Variants in KIFAP3 observed in about 807,000 individuals in gnomAD.
KIFAP3 encodes the protein kinesin associated protein 3.
In KIFAP3, 68 loss-of-function variants were observed where a neutral mutation model predicts 106.5. The ratio of observed to expected loss-of-function variants is 0.64; its 90% CI spans 0.53 to 0.78. KIFAP3 has a LOEUF of 0.78. KIFAP3 is among the 30% of genes least tolerant of loss of function. The probability of loss-of-function intolerance (pLI) is 0.00; values close to 1 mark genes in which losing one functional copy is unlikely to be tolerated. For synonymous variants in KIFAP3, 320 were observed against 311.5 expected, an observed-to-expected ratio of 1.03 and a Z score of -0.29; for missense variants, 780 against 941.8, an observed-to-expected ratio of 0.83 and a Z score of 2.25.
chr1:170,057,463 A>T (rs997390296), intron 1 of KIFAP3, among the ~76,000 whole-genome samples: 2 of 152,150 alleles, frequency 1.3e-5, no homozygotes, highest in Non-Finnish European at 2.9e-5. Context: ...AAAAACTAAA[A>T]CAGAAATGAG....
intron 19 of KIFAP3, among the ~76,000 whole-genome samples, chr1:169,943,270 C>T (rs1185383085): frequency 2.6e-5 from 4 of 151,768 alleles, no homozygotes; most frequent in South Asian, 2.1e-4. Context: ...ACCTGTAGGC[C>T]CTAGGTTTTA....
intron 1 of KIFAP3, chr1:170,084,902 G>T (rs1009477927): frequency 6.6e-6 from 1 of 152,088 alleles, no homozygotes; most frequent in Non-Finnish European, 1.5e-5. Flanking sequence ...AGCAATATTC[G>T]TTTCTCTATA....
In KIFAP3 at chr1:169,929,120, CTGAG is replaced by C. The variant is rs570545157; in HGVS notation, c.2274-7343_2274-7340del. Among the ~76,000 whole-genome samples, 521 of 152,258 alleles carry C rather than the reference CTGAG, an allele frequency of 3.4e-3. 2 individuals are homozygous for C. The highest frequency in any genetic ancestry group is 4.6e-3 in the Non-Finnish European group (314 of 67,998). On this transcript the variant is annotated intron_variant, in intron 19 of 19. Coordinates refer to ENST00000361580, the MANE Select transcript of KIFAP3 (RefSeq NM_014970.4). ...ACTAGATGGAGAGCTTGTCTTACCACTGAGTATCAGGTACTTCTACAAAATTTCA... is the reference window on the plus strand; with the variant it reads ...ACTAGATGGAGAGCTTGTCTTACCACTATCAGGTACTTCTACAAAATTTCA...
chr1:170,043,599 A>G (rs1050108496), intron 3 of KIFAP3, among the ~76,000 whole-genome samples: 1 of 152,140 alleles, frequency 6.6e-6, no homozygotes, highest in African/African-American at 2.4e-5. Context: ...CTAACAGAAA[A>G]TATTAGGTTA....
chr1:170,070,029 A>C (rs1671630455), intron 1 of KIFAP3, among the ~76,000 whole-genome samples: 1 of 152,092 alleles, frequency 6.6e-6, no homozygotes, highest in Non-Finnish European at 1.5e-5. Flanking sequence ...ATTGGAGCTG[A>C]AAAATATGAA....
Position 170,074,634 on chromosome 1 carries a change from C to A in KIFAP3, c.-167G>T. ...GTGGTTACCACGGTGAAGCCTCCAG[C>A]TCCTCCCACAGCTTCTGTGCCCCAA... On this transcript the variant is annotated 5_prime_UTR_variant, in exon 1 of 20. Transcript: ENST00000361580. The A allele has an allele frequency of 2.0e-6, 3 of 1,481,688 alleles. No homozygotes were observed. The highest frequency in any genetic ancestry group is 2.7e-6 in the Non-Finnish European group (3 of 1,113,408). 91.8% of individuals were successfully genotyped at this position (1,481,688 alleles called of 1,614,324 possible).
chr1:170,010,004 G>C (rs377183831), intron 10 of KIFAP3, among the ~76,000 whole-genome samples: 164 of 152,170 alleles, frequency 1.1e-3, no homozygotes, highest in African/African-American at 3.6e-3. Context: ...GAAGCCAATG[G>C]CTATGATAGA....
chr1:169,945,255 G>T (rs913282185), intron 19 of KIFAP3, among the ~76,000 whole-genome samples: 2 of 152,162 alleles, frequency 1.3e-5, no homozygotes, highest in Admixed American at 6.5e-5. Context: ...AGCAGGCACC[G>T]GCAACAGGGA....
At chr1:170,025,496 G>C (rs1407745734) in intron 8 of KIFAP3, among the ~76,000 whole-genome samples, 1 of 152,004 alleles carries the variant, frequency 6.6e-6, no homozygotes, top group East Asian at 1.9e-4. Context: ...TACATAAGTA[G>C]ATAAATATAA....
intron 10 of KIFAP3, among the ~76,000 whole-genome samples, chr1:169,992,507 T>C (rs190594142): frequency 1.3e-5 from 2 of 152,246 alleles, no homozygotes; most frequent in East Asian, 1.9e-4. Flanking sequence ...AAATTAACCA[T>C]AGGAATTAAT....
intron 11 of KIFAP3, among the ~76,000 whole-genome samples, chr1:169,987,703 CAT>C (rs1393003389): frequency 3.9e-5 from 6 of 152,072 alleles, no homozygotes; most frequent in Non-Finnish European, 1.5e-5. Flanking sequence ...TGGTGGAAAA[CAT>C]GTGGATCACT....
chr1:170,009,811 G>T (rs1668154512), intron 10 of KIFAP3, among the ~76,000 whole-genome samples: 1 of 152,074 alleles, frequency 6.6e-6, no homozygotes, highest in African/African-American at 2.4e-5. Context: ...ATGTCAAATG[G>T]CTTAATAAGT....
At chr1:169,965,927 A>G (rs1665589974) in intron 17 of KIFAP3, among the ~76,000 whole-genome samples, 1 of 151,980 alleles carries the variant, frequency 6.6e-6, no homozygotes, top group African/African-American at 2.4e-5. Context: ...CACAGAACCT[A>G]GCACCAAATG....
intron 10 of KIFAP3, among the ~76,000 whole-genome samples, chr1:170,005,852 T>C (rs1169276687): frequency 6.7e-6 from 1 of 149,518 alleles, no homozygotes; most frequent in Non-Finnish European, 1.5e-5. Flanking sequence ...AAACTTAAAG[T>C]ACAATAATAA....
rs555698306 is a variant in KIFAP3, at chr1:170,031,224, T to C, written c.841+662A>G. ...TTGAACTAAATTACTTGGCTTCAAA[T>C]ATTTAAAAAACTCAGTGTAGTTAAA... On this transcript the variant is annotated intron_variant, in intron 8 of 19. Transcript: ENST00000361580. 8.6e-5 allele frequency among the ~76,000 whole-genome samples: 13 copies of C among 151,914 alleles called. No individual in the cohort carries two copies. The East Asian group carries it at 2.5e-3, about 29-fold the overall frequency.
intron 8 of KIFAP3, among the ~76,000 whole-genome samples, chr1:170,025,933 A>T (rs963129292): frequency 3.9e-5 from 6 of 152,190 alleles, no homozygotes; most frequent in African/African-American, 1.2e-4. Flanking sequence ...CCTTATTTGG[A>T]AATAGGGTCT....
chr1:170,036,047 T>C (rs1164695424), intron 5 of KIFAP3, among the ~76,000 whole-genome samples: 1 of 151,838 alleles, frequency 6.6e-6, no homozygotes, highest in Admixed American at 6.6e-5. Context: ...CACAGAAAAA[T>C]AAATTTAATA....
At chr1:169,935,744 A>G (rs1663759926) in intron 19 of KIFAP3, among the ~76,000 whole-genome samples, 1 of 152,040 alleles carries the variant, frequency 6.6e-6, no homozygotes, top group African/African-American at 2.4e-5. Context: ...AGATAAATAC[A>G]CACAGATTTT....
intron 15 of KIFAP3, among the ~76,000 whole-genome samples, chr1:169,979,241 A>T (rs1423535460): frequency 1.3e-5 from 2 of 151,812 alleles, no homozygotes; most frequent in Non-Finnish European, 2.9e-5. Context: ...CTTCATTCTC[A>T]CTCTATCAAC....
Sources: allele counts gnomAD v4.1 joint callset (sites outside exome capture counted in the v4.1 genomes callset), GRCh38; gene constraint gnomAD v4.1.1; transcripts MANE v1.5; gene names NCBI Gene and HGNC (gene_info 2026-07-23, HGNC 2026-07-21).